Variants in C11orf65 observed in about 807,000 individuals in gnomAD.
C11orf65 encodes the protein protein MFI.
Under a neutral mutation model 35.3 loss-of-function variants are expected in C11orf65, and 38 were observed. That is an observed-to-expected ratio of 1.08 (90% CI 0.83 to 1.41). C11orf65 has a LOEUF of 1.41. C11orf65 is among the 40% of genes most tolerant of loss of function. The probability of loss-of-function intolerance (pLI) is 0.00; values close to 1 mark genes in which losing one functional copy is unlikely to be tolerated. For synonymous variants in C11orf65, 105 were observed against 114.4 expected (o/e 0.92, Z 0.53); for missense variants, 370 against 367.1 (o/e 1.01, Z -0.06).
At chr11:108,362,997 A>G (rs905046846) in intron 2 of C11orf65, among the ~76,000 whole-genome samples, 12 of 152,206 alleles carry the variant, frequency 7.9e-5, no homozygotes, top group Admixed American at 2.0e-4. Context: ...AAACAAAAAA[A>G]ACACACCCTC....
At chr11:108,329,343 G>C, downstream of C11orf65, 1 of 1,067,560 alleles carries the variant, frequency 9.4e-7, no homozygotes, top group Non-Finnish European at 1.4e-6. Flanking sequence ...ATAGTTTTGA[G>C]CTCTAAAGGT....
intron 2 of C11orf65, among the ~76,000 whole-genome samples, chr11:108,452,615 A>G (rs2093363188): frequency 6.6e-6 from 1 of 152,216 alleles, no homozygotes; most frequent in African/African-American, 2.4e-5. Flanking sequence ...ATCTAGAACC[A>G]GAAATACCAT....
Position 108,315,821 on chromosome 11 carries a change from A to AG in C11orf65, c.641-6751dup, listed in dbSNP as rs1555113505. On this transcript the variant is annotated intron_variant, in intron 6 of 6. Coordinates refer to the C11orf65 transcript ENST00000525729. ...CAATTTTTGTTGTTTCCATGTTTTC[A>AG]GGATCTTCTCTTAGAAATCTACAGA... The AG allele has an allele frequency of 6.2e-7, 1 of 1,609,174 alleles. No homozygotes were observed. The highest frequency in any genetic ancestry group is 8.5e-7 in the Non-Finnish European group (1 of 1,175,778).
intron 2 of C11orf65, among the ~76,000 whole-genome samples, chr11:108,450,754 C>A (rs948789323): frequency 6.6e-6 from 1 of 151,376 alleles, no homozygotes; most frequent in Non-Finnish European, 1.5e-5. Context: ...TGCACATGTA[C>A]CCTAAAACTT....
chr11:108,452,370 AT>A (rs2093359937), intron 2 of C11orf65, among the ~76,000 whole-genome samples: 1 of 152,228 alleles, frequency 6.6e-6, no homozygotes, highest in Non-Finnish European at 1.5e-5. Context: ...AAAAGAAGAC[AT>A]TTATGCAGCC....
chr11:108,355,771 A>G (rs1565584405), intron 2 of C11orf65: 1 of 152,230 alleles, frequency 6.6e-6, no homozygotes, highest in Non-Finnish European at 1.5e-5. Context: ...CCTACTGTTC[A>G]ACTAGGATAT....
chr11:108,315,290 A>G (rs984790600), intron 6 of C11orf65, among the ~76,000 whole-genome samples: 2 of 152,224 alleles, frequency 1.3e-5, no homozygotes, highest in African/African-American at 4.8e-5. Flanking sequence ...AATCTTATGC[A>G]ATTATGATTT....
In C11orf65 at chr11:108,333,900, C is replaced by T. The variant is rs878853547; in HGVS notation, c.299+1320G>A. ...TTTAAATACAGAAGGCATAAATATT[C>T]CAGCAGACCAGCCAATTACTAAACT... On this transcript the variant is annotated intron_variant, in intron 3 of 3. Transcript: ENST00000524755. The T allele has an allele frequency of 7.5e-6, 12 of 1,608,546 alleles. No individual in the cohort carries two copies. Among genetic ancestry groups the T allele is most frequent in the Non-Finnish European group, 1.0e-5 (12 of 1,175,052 alleles).
chr11:108,333,731 A>G (rs943968469), intron 3 of C11orf65, among the ~76,000 whole-genome samples: 10 of 152,234 alleles, frequency 6.6e-5, no homozygotes, highest in African/African-American at 2.4e-4. Context: ...TCTGAGCTGC[A>G]TAGTGGCCAA....
At chr11:108,467,058 G>A (rs2135822145) in intron 1 of C11orf65, among the ~76,000 whole-genome samples, 2 of 152,300 alleles carry the variant, frequency 1.3e-5, no homozygotes, top group African/African-American at 4.8e-5. Flanking sequence ...AAAACAAATG[G>A]GAGGGGGCAA....
intron 7 of C11orf65, among the ~76,000 whole-genome samples, chr11:108,389,770 C>G (rs1051489354): frequency 4.6e-5 from 7 of 151,784 alleles, no homozygotes; most frequent in Non-Finnish European, 1.0e-4. Context: ...AGCTCTGCCT[C>G]CCAATGGCAT....
intron 2 of C11orf65, among the ~76,000 whole-genome samples, chr11:108,343,899 T>C (rs2087935769): frequency 6.6e-6 from 1 of 152,252 alleles, no homozygotes; most frequent in African/African-American, 2.4e-5. Context: ...TAGTCTGATA[T>C]TCATTCGCTG....
In C11orf65 at chr11:108,403,024, T is replaced by G. The variant is rs11212609; in HGVS notation, c.560+2405A>C. On this transcript the variant is annotated intron_variant, in intron 6 of 8. Transcript: ENST00000393084. ...TGTTTCTGGTTTTTCGCAATTAAAA[T>G]GACAAATAAACCAGCTATGAACATT... 3.8e-3 allele frequency among the ~76,000 whole-genome samples: 585 copies of G among 152,340 alleles called. 5 individuals are homozygous for G. Among genetic ancestry groups the G allele is most frequent in the Non-Finnish European group, 6.6e-3 (448 of 68,034 alleles).
chr11:108,444,191 C>A (rs1045052486), intron 2 of C11orf65, among the ~76,000 whole-genome samples: 1 of 152,258 alleles, frequency 6.6e-6, no homozygotes, highest in African/African-American at 2.4e-5. Flanking sequence ...ACTATAAACA[C>A]CTCTACGCAA....
At chr11:108,384,845 C>T (rs2091952102) in intron 8 of C11orf65, among the ~76,000 whole-genome samples, 1 of 152,154 alleles carries the variant, frequency 6.6e-6, no homozygotes. Context: ...ACTGCTTCTC[C>T]TATCTGCTAG....
At chr11:108,416,500 T>C (rs909357671) in intron 3 of C11orf65, among the ~76,000 whole-genome samples, 1 of 151,930 alleles carries the variant, frequency 6.6e-6, no homozygotes, top group Non-Finnish European at 1.5e-5. Context: ...ATGGCTAACA[T>C]GGTGAAACCC....
At chr11:108,444,681 G>A (rs1039342177) in intron 2 of C11orf65, among the ~76,000 whole-genome samples, 2 of 152,120 alleles carry the variant, frequency 1.3e-5, no homozygotes, top group African/African-American at 2.4e-5. Context: ...CATGAGCGAC[G>A]CAGAAGACAG....
intron 2 of C11orf65, among the ~76,000 whole-genome samples, chr11:108,452,325 C>A (rs962045872): frequency 6.6e-5 from 10 of 152,154 alleles, no homozygotes; most frequent in African/African-American, 1.9e-4. Flanking sequence ...AATCAAACCA[C>A]CCCATCAAAA....
chr11:108,329,188 A>C, downstream of C11orf65: 1 of 1,614,106 alleles, frequency 6.2e-7, no homozygotes, highest in Non-Finnish European at 8.5e-7. Context: ...TCCTGAAAAG[A>C]GCCAAAGAGG....
Sources: allele counts gnomAD v4.1 joint callset (sites outside exome capture counted in the v4.1 genomes callset), GRCh38; gene constraint gnomAD v4.1.1; transcripts MANE v1.5; gene names NCBI Gene and HGNC (gene_info 2026-07-23, HGNC 2026-07-21).